Variants in DENND1A observed in about 807,000 individuals in gnomAD.
The protein encoded by DENND1A is DENN domain-containing protein 1A.
In DENND1A, 51 loss-of-function variants were observed where a neutral mutation model predicts 113.7. The ratio of observed to expected loss-of-function variants is 0.45; its 90% confidence interval spans 0.36 to 0.57. The LOEUF (loss-of-function observed/expected upper bound fraction) is 0.57, where lower values mean the gene tolerates loss of function less well. Ranked by LOEUF, DENND1A falls within the 20% of genes least tolerant of loss-of-function variation. The pLI is 0.00. For synonymous variants in DENND1A, 565 were observed against 570.8 expected (o/e 0.99, Z 0.14); for missense variants, 1,258 against 1,395.9 (o/e 0.90, Z 1.57).
intron 5 of DENND1A, among the ~76,000 whole-genome samples, chr9:123,710,251 C>A (rs2066490054): frequency 1.3e-5 from 2 of 152,118 alleles, no homozygotes. Flanking sequence ...AAAGGTAATA[C>A]TAGGGTATTG....
intron 12 of DENND1A, among the ~76,000 whole-genome samples, chr9:123,575,787 C>A (rs1288394038): frequency 1.3e-5 from 2 of 152,142 alleles, no homozygotes; most frequent in Admixed American, 1.3e-4. Flanking sequence ...TTCTCTGCCC[C>A]CCAACTCTCT....
At chr9:123,725,124 C>A (rs1417276494) in intron 5 of DENND1A, among the ~76,000 whole-genome samples, 2 of 152,160 alleles carry the variant, frequency 1.3e-5, no homozygotes, top group Admixed American at 1.3e-4. Context: ...ACCAATTATG[C>A]CCAAGCTTCA....
intron 13 of DENND1A, among the ~76,000 whole-genome samples, chr9:123,506,679 T>G (rs1310378787): frequency 2.0e-5 from 3 of 150,834 alleles, no homozygotes; most frequent in African/African-American, 7.3e-5. Context: ...ATTAGGGTAA[T>G]TATGACTGTT....
At chr9:123,782,960 T>C (rs1243853979) in intron 3 of DENND1A, among the ~76,000 whole-genome samples, 1 of 151,970 alleles carries the variant, frequency 6.6e-6, no homozygotes, top group Non-Finnish European at 1.5e-5. Flanking sequence ...TGACTGAAGT[T>C]ACACAGTTGA....
chr9:123,641,303 T>C (rs2062012676), intron 9 of DENND1A, among the ~76,000 whole-genome samples: 1 of 152,154 alleles, frequency 6.6e-6, no homozygotes, highest in African/African-American at 2.4e-5. Flanking sequence ...AAAATTCTGA[T>C]TCATAAGAGT....
At chr9:123,867,925 C>G (rs1316179186) in intron 2 of DENND1A, among the ~76,000 whole-genome samples, 1 of 152,204 alleles carries the variant, frequency 6.6e-6, no homozygotes, top group Non-Finnish European at 1.5e-5. Context: ...TCATAACCAT[C>G]TTTGCCACTT....
chr9:123,619,135 C>CG (rs1459591528), intron 10 of DENND1A, among the ~76,000 whole-genome samples: 4 of 151,992 alleles, frequency 2.6e-5, no homozygotes, highest in African/African-American at 9.7e-5. Flanking sequence ...TTAGTAGAGA[C>CG]GGGGTCTCAC....
chr9:123,790,027 G>T (rs77181812), intron 3 of DENND1A, among the ~76,000 whole-genome samples: 1,787 of 152,020 alleles, frequency 0.012, 36 homozygotes, highest in African/African-American at 0.041. Flanking sequence ...GTGGTAATAA[G>T]TGCTATACTT....
chr9:123,592,190 TTA>T (rs1413690125), intron 11 of DENND1A, among the ~76,000 whole-genome samples: 7 of 152,202 alleles, frequency 4.6e-5, no homozygotes, highest in African/African-American at 1.7e-4. Context: ...AATTTGCAAG[TTA>T]TGTCAATAAA....
chr9:123,402,013 G>A, intron 21 of DENND1A: 2 of 1,504,144 alleles, frequency 1.3e-6, no homozygotes, highest in Non-Finnish European at 1.8e-6. Context: ...CAGTTTTAAA[G>A]AGGGGACTTC....
In DENND1A at chr9:123,839,857, TTATTTCTG is replaced by T. The variant is rs1841570885; in HGVS notation, c.88+39086_88+39093del. 2.0e-5 allele frequency among the ~76,000 whole-genome samples: 3 copies of T among 152,312 alleles called. No homozygotes were observed. The East Asian group carries it at 5.8e-4, about 29-fold the overall frequency. On this transcript the variant is annotated intron_variant, in intron 2 of 23. Coordinates refer to ENST00000394215, the MANE Select transcript of DENND1A (RefSeq NM_001352964.2). ...CTATTGAGCATCTACCACCTATGAA[TTATTTCTG>T]AAGCTAAGCAGTAGAATTGAATTTA...
chr9:123,700,506 C>A (rs760315362), intron 5 of DENND1A, among the ~76,000 whole-genome samples: 4 of 152,150 alleles, frequency 2.6e-5, no homozygotes, highest in Admixed American at 6.5e-5. Context: ...TGTTGCAGTC[C>A]TGAGTCCAAA....
At chr9:123,862,093 T>TA (rs869172408) in intron 2 of DENND1A, among the ~76,000 whole-genome samples, 8 of 152,086 alleles carry the variant, frequency 5.3e-5, no homozygotes, top group Admixed American at 1.3e-4. Context: ...TAATTCCTAA[T>TA]AAAAAAAAAT....
At chr9:123,455,829 T>C (rs1302250474) in intron 15 of DENND1A, among the ~76,000 whole-genome samples, 6 of 152,200 alleles carry the variant, frequency 3.9e-5, no homozygotes, top group African/African-American at 1.2e-4. Context: ...ATGCAACCGT[T>C]AGAACACAAC....
At chr9:123,599,098 A>C (rs1284590619) in intron 11 of DENND1A, among the ~76,000 whole-genome samples, 1 of 152,244 alleles carries the variant, frequency 6.6e-6, no homozygotes, top group Admixed American at 6.5e-5. Flanking sequence ...CTTTGTTTCT[A>C]AACAAACATA....
chr9:123,786,885 G>A (rs74928618), intron 3 of DENND1A, among the ~76,000 whole-genome samples: 1 of 151,808 alleles, frequency 6.6e-6, no homozygotes, highest in African/African-American at 2.4e-5. Flanking sequence ...GAGAACCTGC[G>A]AGTACTGGAA....
chr9:123,402,043 C>A, intron 21 of DENND1A: 1 of 1,282,382 alleles, frequency 7.8e-7, no homozygotes, highest in South Asian at 1.4e-5. Context: ...TGACAAATTT[C>A]ATCCCCTTAA....
chr9:123,752,678 C>T (rs538294990), intron 5 of DENND1A, among the ~76,000 whole-genome samples: 1 of 152,166 alleles, frequency 6.6e-6, no homozygotes, highest in East Asian at 1.9e-4. Flanking sequence ...CAGTTTTGGC[C>T]TTGATGGAGT....
At chr9:123,525,033 G>A (rs1432109470) in intron 13 of DENND1A, among the ~76,000 whole-genome samples, 3 of 152,180 alleles carry the variant, frequency 2.0e-5, no homozygotes, top group Non-Finnish European at 4.4e-5. Context: ...ATAGCCCTTG[G>A]CTCACTAGCT....
Sources: gnomAD v4.1 joint callset for allele counts (sites outside exome capture counted in the v4.1 genomes callset) on GRCh38, gnomAD v4.1.1 for gene constraint, MANE v1.5 for transcripts, NCBI Gene and HGNC (gene_info 2026-07-23, HGNC 2026-07-21) for gene names.